Variants in OXR1 observed in about 807,000 individuals in gnomAD.
OXR1 encodes the protein oxidation resistance protein 1.
A neutral mutation model predicts 104.6 loss-of-function variants in OXR1; 41 were observed. The ratio of observed to expected loss-of-function variants is 0.39; its 90% CI spans 0.31 to 0.51. OXR1 has a LOEUF of 0.51. OXR1 is among the 20% of genes least tolerant of loss of function. The probability of loss-of-function intolerance (pLI) is 0.77; values close to 1 mark genes in which losing one functional copy is unlikely to be tolerated. For synonymous variants in OXR1, 348 were observed against 348.4 expected (o/e 1.00, Z 0.01); for missense variants, 955 against 1,031.9 (o/e 0.93, Z 1.02).
At chr8:106,324,403 A>G (rs1194640797) in intron 1 of OXR1, among the ~76,000 whole-genome samples, 1 of 151,968 alleles carries the variant, frequency 6.6e-6, no homozygotes, top group Non-Finnish European at 1.5e-5. Flanking sequence ...AAAGATAGCT[A>G]TTGGGTACTG....
intron 8 of OXR1, among the ~76,000 whole-genome samples, chr8:106,705,020 GTAT>G (rs1291219094): frequency 1.3e-5 from 2 of 152,086 alleles, no homozygotes; most frequent in African/African-American, 4.8e-5. Flanking sequence ...GATTTCAAAG[GTAT>G]TATTATGGTA....
intron 3 of OXR1, among the ~76,000 whole-genome samples, chr8:106,594,471 C>T (rs1002121104): frequency 2.0e-5 from 3 of 152,196 alleles, no homozygotes; most frequent in African/African-American, 4.8e-5. Context: ...CAGACCCCCA[C>T]GGAAGCCTTG....
intron 1 of OXR1, among the ~76,000 whole-genome samples, chr8:106,334,174 T>G (rs888596422): frequency 1.3e-5 from 2 of 152,180 alleles, no homozygotes; most frequent in Non-Finnish European, 2.9e-5. Context: ...CAAATCTTGC[T>G]TTTTTTGTTA....
intron 1 of OXR1, among the ~76,000 whole-genome samples, chr8:106,293,941 T>A (rs996395558): frequency 2.7e-5 from 4 of 149,650 alleles, no homozygotes; most frequent in African/African-American, 9.9e-5. Context: ...CATTATGATT[T>A]CTAGATTTTC....
intron 2 of OXR1, among the ~76,000 whole-genome samples, chr8:106,371,383 T>TC (rs926332766): frequency 3.9e-5 from 6 of 152,032 alleles, no homozygotes; most frequent in African/African-American, 1.2e-4. Context: ...AGGGTTTTTT[T>TC]GTGTCTCTAT....
At chr8:106,333,268 A>G (rs2130234552) in intron 1 of OXR1, among the ~76,000 whole-genome samples, 1 of 152,216 alleles carries the variant, frequency 6.6e-6, no homozygotes, top group Non-Finnish European at 1.5e-5. Context: ...CAATATATGG[A>G]GATTCAAGTT....
intron 7 of OXR1, 103 bp downstream of exon 7, chr8:106,692,980 C>T (rs1829466824): frequency 1.3e-6 from 1 of 795,024 alleles, no homozygotes; most frequent in African/African-American, 1.8e-5. Flanking sequence ...TCAGAAAATG[C>T]TTGAATATTA....
intron 1 of OXR1, among the ~76,000 whole-genome samples, chr8:106,302,396 C>A (rs1044346995): frequency 6.6e-6 from 1 of 151,976 alleles, no homozygotes; most frequent in African/African-American, 2.4e-5. Context: ...TCCTGGCTAA[C>A]ACGGTGAAAC....
intron 2 of OXR1, among the ~76,000 whole-genome samples, chr8:106,464,277 G>A (rs1821062812): frequency 6.6e-6 from 1 of 151,062 alleles, no homozygotes; most frequent in African/African-American, 2.4e-5. Flanking sequence ...ATCTTGTGAT[G>A]GAGATATTTT....
In OXR1 at chr8:106,524,730, T is replaced by C. The variant is rs966426858; in HGVS notation, c.220+5591T>C. 3.9e-5 allele frequency among the ~76,000 whole-genome samples: 6 copies of C among 151,940 alleles called. No individual in the cohort carries two copies. The East Asian group carries it at 1.2e-3, about 29-fold the overall frequency. On this transcript the variant is annotated intron_variant, in intron 3 of 16. Transcript: ENST00000517566. Reference sequence around the variant, plus strand: ...GAAATGAGCACACCGGTAAGCAAAATAGACAACAGAGAATGTCCTAAATGC... The same window carrying C: ...GAAATGAGCACACCGGTAAGCAAAACAGACAACAGAGAATGTCCTAAATGC...
At chr8:106,409,607 A>G (rs1818378380) in intron 2 of OXR1, among the ~76,000 whole-genome samples, 1 of 152,222 alleles carries the variant, frequency 6.6e-6, no homozygotes, top group South Asian at 2.1e-4. Context: ...TTAAAGCTCA[A>G]AGGAATGACA....
At chr8:106,500,294 G>A (rs553601300) in intron 2 of OXR1, among the ~76,000 whole-genome samples, 174 of 152,312 alleles carry the variant, frequency 1.1e-3, no homozygotes, top group African/African-American at 3.8e-3. Context: ...CGCCAGGCCC[G>A]AAACCAGGCC....
chr8:106,741,090 A>C (rs1834881486), intron 14 of OXR1, among the ~76,000 whole-genome samples: 1 of 152,146 alleles, frequency 6.6e-6, no homozygotes, highest in Admixed American at 6.6e-5. Context: ...AAGCCCTATG[A>C]GATTGATACT....
chr8:106,384,542 G>A (rs1243858787), intron 2 of OXR1, among the ~76,000 whole-genome samples: 1 of 152,100 alleles, frequency 6.6e-6, no homozygotes, highest in Non-Finnish European at 1.5e-5. Flanking sequence ...AAATTTGGCA[G>A]ATGCTGAAAA....
intron 2 of OXR1, among the ~76,000 whole-genome samples, chr8:106,507,548 C>G (rs1420547612): frequency 1.3e-5 from 2 of 152,134 alleles, no homozygotes; most frequent in East Asian, 3.8e-4. Flanking sequence ...TTTGTGAAAG[C>G]GGTGAGTACA....
intron 1 of OXR1, among the ~76,000 whole-genome samples, chr8:106,355,906 C>T (rs186738607): frequency 4.6e-4 from 70 of 151,896 alleles, no homozygotes; most frequent in African/African-American, 1.7e-3. Flanking sequence ...AAAACAATAC[C>T]CTGTCAAAGA....
chr8:106,597,705 A>G (rs1819637680), intron 3 of OXR1, among the ~76,000 whole-genome samples: 1 of 152,160 alleles, frequency 6.6e-6, no homozygotes. Context: ...GAAAAGATGA[A>G]GCTTACAGGT....
At chr8:106,672,647 G>T (rs1156529300) in intron 3 of OXR1, among the ~76,000 whole-genome samples, 1 of 152,162 alleles carries the variant, frequency 6.6e-6, no homozygotes, top group Non-Finnish European at 1.5e-5. Flanking sequence ...TAGGCTTTGT[G>T]TCCCCACTCA....
intron 2 of OXR1, among the ~76,000 whole-genome samples, chr8:106,484,405 C>T (rs554928975): frequency 3.3e-5 from 5 of 151,892 alleles, no homozygotes; most frequent in South Asian, 2.1e-4. Context: ...ATATCACATG[C>T]GCTCCATAAA....
Sources: gnomAD v4.1 joint callset for allele counts (sites outside exome capture counted in the v4.1 genomes callset) on GRCh38, gnomAD v4.1.1 for gene constraint, MANE v1.5 for transcripts, NCBI Gene and HGNC (gene_info 2026-07-23, HGNC 2026-07-21) for gene names.